The following TSPAN32 variants were observed in gnomAD, a reference collection of about 807,000 sequenced individuals.
The protein encoded by TSPAN32 is tetraspanin-32.
A neutral mutation model predicts 42.7 loss-of-function variants in TSPAN32; 47 were observed. The observed-to-expected ratio is 1.10, with a 90% CI of 0.87 to 1.40. TSPAN32 has a LOEUF of 1.40. Ranked by LOEUF, TSPAN32 falls within the 40% of genes most tolerant of loss-of-function variation. TSPAN32 has a pLI of 0.00. For missense variants in TSPAN32, 469 were observed against 424.1 expected (o/e 1.11, Z -0.93); for synonymous variants, 175 against 175.9 (o/e 0.99, Z 0.04).
intron 1 of TSPAN32, chr11:2,302,581 AT>A: frequency 1.8e-6 from 1 of 549,946 alleles, no homozygotes; most frequent in South Asian, 2.2e-5. Flanking sequence ...CGTAGACACA[AT>A]GATCAGAGGT....
intron 2 of TSPAN32, 133 bp downstream of exon 2, chr11:2,303,091 G>GCCCCTCCCT: frequency 2.6e-6 from 2 of 780,652 alleles, no homozygotes; most frequent in Non-Finnish European, 4.1e-6. Flanking sequence ...GTCAGGGGCA[G>GCCCCTCCCT]GGAGGGGCTG....
rs35682034 is a variant in TSPAN32, at chr11:2,313,887, GC to G, written c.456+136del. On this transcript the variant is annotated intron_variant, in intron 5 of 9. Transcript: ENST00000182290. This position sits in a 1 kb window ranked among gnomAD's most constrained non-coding sequence, Gnocchi z 9.1. ...GGGTTCCAGGACACAGGCCAGAGTT[GC>G]CCCTCAGGGCTGGGGGCAAAAAGCT... 1 of 729,964 alleles carries G rather than the reference GC, an allele frequency of 1.4e-6. No individual in the cohort carries two copies. The allele number at this position is 729,964 out of a possible 1,614,324, so 45.2% of individuals were successfully genotyped here.
intron 4 of TSPAN32, chr11:2,309,544 G>A: frequency 2.8e-6 from 1 of 356,502 alleles, no homozygotes; most frequent in South Asian, 2.0e-5. Flanking sequence ...GCGGCACCAG[G>A]GACAGCCACG....
rs781315038 is a variant in TSPAN32 at position 2,316,592 on chromosome 11, T to G, written c.644T>G (p.Phe215Cys). 1 of 1,575,986 alleles carries G rather than the reference T, an allele frequency of 6.3e-7. No homozygotes were observed. Among genetic ancestry groups the G allele is most frequent in the Non-Finnish European group, 8.6e-7 (1 of 1,158,692 alleles). Residue 215 changes from phenylalanine to cysteine, a missense_variant, in exon 8 of 10, where the codon TTC (phenylalanine) becomes TGC (cysteine). Transcript: ENST00000182290. Reference protein sequence around the residue: ...GLALTVSALLFSSFLWFAIRC... With the variant: ...GLALTVSALLCSSFLWFAIRC... ...CCCTCCCAGGTGTCCGCCTTGCTCT[T>G]CAGCTCCTTCCTGTGGTTTGCCATC...
chr11:2,318,147 T>C lies in TSPAN32; in HGVS notation c.*223T>C, dbSNP rs1303238179. ...ACATCAAATTTACCATCTTAACCAT[T>C]GTTAAGTGTATGGTTTGTGGCATTA... is the stretch of plus-strand genomic sequence containing the variant. On this transcript the variant is annotated 3_prime_UTR_variant, in exon 10 of 10. Transcript: ENST00000182290. This position sits in a 1 kb window ranked among gnomAD's most constrained non-coding sequence, Gnocchi z 4.2. 7.4e-6 allele frequency: 4 copies of C among 541,968 alleles called. No individual in the cohort carries two copies. Among genetic ancestry groups the C allele is most frequent in the Non-Finnish European group, 9.7e-6 (3 of 309,922 alleles). 33.6% of individuals were successfully genotyped at this position (541,968 alleles called of 1,614,324 possible). A position where few individuals can be genotyped will look rare whatever the true frequency, so the allele number is the denominator to read the frequency against.
rs1174935342 is a variant in TSPAN32 at position 2,316,372 on chromosome 11, C to G, written c.627+60C>G. ...CTCCTGCCCCTCAGCCTGCCCAGCC[C>G]CCGACTCAGATGGAAGGGTGACCCG... On this transcript the variant is annotated intron_variant, in intron 7 of 9. Coordinates refer to ENST00000182290, the MANE Select transcript of TSPAN32 (RefSeq NM_139022.3). 5 of 1,552,842 alleles carry G rather than the reference C, an allele frequency of 3.2e-6. No homozygotes were observed. The Admixed American group carries it at 9.6e-5, about 30-fold the overall frequency.
rs1200508006 is a variant in TSPAN32 at position 2,317,025 on chromosome 11, C to T, written c.720-319C>T. ...CTTAGGGGGCAGGGAGGGTCCAACC[C>T]ACAGCCAGGCAGCTCTTCCTGCCCC... On this transcript the variant is annotated intron_variant, in intron 8 of 9. Transcript: ENST00000182290. This position sits in a 1 kb window ranked among gnomAD's most constrained non-coding sequence, Gnocchi z 6.2. Among the ~76,000 whole-genome samples, 1 of 152,002 alleles carries T rather than the reference C, an allele frequency of 6.6e-6. No individual in the cohort carries two copies. Among genetic ancestry groups the T allele is most frequent in the Non-Finnish European group, 1.5e-5 (1 of 67,968 alleles).
At chr11:2,307,155 C>G (rs1443445632) in intron 3 of TSPAN32, among the ~76,000 whole-genome samples, 1 of 152,124 alleles carries the variant, frequency 6.6e-6, no homozygotes, top group African/African-American at 2.4e-5. Context: ...GCGCCCTGTC[C>G]CTGCAGGGCT....
rs545681469 is a variant in TSPAN32 at position 2,304,175 on chromosome 11, G to A, written c.250G>A (p.Val84Met). The A allele has an allele frequency of 7.6e-5, 121 of 1,585,736 alleles. No homozygotes were observed. The highest frequency in any genetic ancestry group is 1.7e-4 in the Middle Eastern group (1 of 6,016). Residue 84 changes from valine (V) to methionine (M), a missense_variant, in exon 3 of 10, where the codon GTG (valine) becomes ATG (methionine). Physicochemically the swap from Val to Met is conservative, Grantham distance 21. Transcript: ENST00000182290. This position sits in a 1 kb window ranked among gnomAD's most constrained non-coding sequence, Gnocchi z 4.8. ...AGCCGTGCTGAGCGCTGCAGCCACC[G>A]TGAGGGAGGCCCAGGGCCTCATGGC... ...LGAVLSAAAT[V>M]REAQGLMAGG...
At position 2,313,720 on chromosome 11, in the gene TSPAN32, G is replaced by A. The variant is rs1246675399; in HGVS notation, c.421G>A (p.Val141Ile). The A allele has an allele frequency of 1.6e-5, 25 of 1,606,994 alleles. No homozygotes were observed. In the African/African-American group the frequency reaches 2.0e-4, roughly 13 times the overall value. Reference sequence around the variant, plus strand: ...GCAGGCGATGAAAGGTACGTCCCACGTCCGGCGGCAGGAGCTGGCGGCCAT... The same window carrying A: ...GCAGGCGATGAAAGGTACGTCCCACATCCGGCGGCAGGAGCTGGCGGCCAT... ...YEQAMKGTSHVRRQELAAIQD... is the reference protein window; with the variant it reads ...YEQAMKGTSHIRRQELAAIQD... Residue 141 changes from valine to isoleucine, a missense_variant, in exon 5 of 10, where the codon GTC (valine) becomes ATC (isoleucine). Val to Ile is a conservative substitution (Grantham distance 29, BLOSUM62 3). Coordinates refer to ENST00000182290, the MANE Select transcript of TSPAN32 (RefSeq NM_139022.3). This position sits in a 1 kb window ranked among gnomAD's most constrained non-coding sequence, Gnocchi z 9.1.
chr11:2,305,427 T>C (rs2077113), intron 3 of TSPAN32, among the ~76,000 whole-genome samples: 129,766 of 151,354 alleles, frequency 0.86, 56,722 homozygotes, highest in African/African-American at 0.95. Context: ...GAAGAAAAGG[T>C]TGGCAACAGG....
At chr11:2,312,688 C>T (rs1848532634) in intron 4 of TSPAN32, among the ~76,000 whole-genome samples, 1 of 152,230 alleles carries the variant, frequency 6.6e-6, no homozygotes, top group African/African-American at 2.4e-5. Flanking sequence ...CCGTAAGCCA[C>T]CCTTCCTTTC....
At chr11:2,303,839 G>C (rs1343095500) in intron 2 of TSPAN32, among the ~76,000 whole-genome samples, 1 of 152,176 alleles carries the variant, frequency 6.6e-6, no homozygotes, top group African/African-American at 2.4e-5. Context: ...ACTAGGGCAT[G>C]GCAGGGAGCA....
Position 2,302,794 on chromosome 11 carries a change from G to C in TSPAN32, c.67-50G>C. On this transcript the variant is annotated intron_variant, in intron 1 of 9. Transcript: ENST00000182290. ...CCTGCCCGCTGGGGCCGAGCTCCCTGCTCCTGCAGCAGTCCCATGCCCCAC... is the reference window on the plus strand; with the variant it reads ...CCTGCCCGCTGGGGCCGAGCTCCCTCCTCCTGCAGCAGTCCCATGCCCCAC... 3.3e-6 allele frequency: 5 copies of C among 1,527,418 alleles called. No homozygotes were observed. The East Asian group carries it at 1.1e-4, about 35-fold the overall frequency. The allele number at this position is 1,527,418 out of a possible 1,614,324, so 94.6% of individuals were successfully genotyped here. A position where few individuals can be genotyped will look rare whatever the true frequency, so the allele number is the denominator to read the frequency against.
At chr11:2,302,997 T>G (rs1847852648) in intron 2 of TSPAN32, 39 bp downstream of exon 2, 2 of 1,574,506 alleles carry the variant, frequency 1.3e-6, no homozygotes, top group African/African-American at 2.7e-5. Flanking sequence ...GGGAGGGGCC[T>G]CGGGTGCAAG....
At chr11:2,303,376 G>C (rs987684465) in intron 2 of TSPAN32, 1 of 205,606 alleles carries the variant, frequency 4.9e-6, no homozygotes, top group Admixed American at 5.7e-5. Context: ...TGGGGAGGGG[G>C]TGGGGGCTGC....
chr11:2,308,336 G>T (rs1396710098), intron 3 of TSPAN32, among the ~76,000 whole-genome samples: 1 of 151,932 alleles, frequency 6.6e-6, no homozygotes, highest in East Asian at 1.9e-4. Flanking sequence ...GCAGCCTGAG[G>T]GCACTGCCCT....
At chr11:2,312,898 A>G (rs574235740) in intron 4 of TSPAN32, among the ~76,000 whole-genome samples, 49 of 152,328 alleles carry the variant, frequency 3.2e-4, no homozygotes, top group African/African-American at 1.1e-3. Flanking sequence ...CCAGGAGACC[A>G]GCGACTCCTG....
chr11:2,307,057 A>T, intron 3 of TSPAN32: 1 of 153,376 alleles, frequency 6.5e-6, no homozygotes, highest in Non-Finnish European at 1.4e-5. Flanking sequence ...GAGGAGAGAG[A>T]AGAGAGGAGG....
Sources: gnomAD v4.1 joint callset for allele counts (sites outside exome capture counted in the v4.1 genomes callset) on GRCh38, gnomAD v4.1.1 for gene constraint, Gnocchi (gnomAD v3.1) non-coding constraint, MANE v1.5 for transcripts, NCBI Gene and HGNC (gene_info 2026-07-23, HGNC 2026-07-21) for gene names.